BLVRB: variants seen among roughly 807,000 people sequenced by gnomAD.
BLVRB encodes biliverdin reductase B.
BLVRB carries 25 observed loss-of-function variants against 21.1 expected under a neutral mutation model. The ratio of observed to expected loss-of-function variants is 1.19; its 90% confidence interval spans 0.86 to 1.66. The LOEUF (loss-of-function observed/expected upper bound fraction) is 1.66. Ranked by LOEUF, BLVRB falls within the 40% of genes most tolerant of loss-of-function variation. The pLI is 0.00. For synonymous variants in BLVRB, 128 were observed against 122.2 expected, an observed-to-expected ratio of 1.05 and a Z score of -0.31; for missense variants, 274 against 282.7, an observed-to-expected ratio of 0.97 and a Z score of 0.22.
At chr19:40,455,624 G>A (rs751694968) in intron 3 of BLVRB, among the ~76,000 whole-genome samples, 3 of 152,224 alleles carry the variant, frequency 2.0e-5, no homozygotes, top group Non-Finnish European at 4.4e-5. Flanking sequence ...CTTGAACCCA[G>A]GAGGTGGATG....
intron 1 of BLVRB, among the ~76,000 whole-genome samples, chr19:40,465,052 G>A (rs537063078): frequency 7.9e-5 from 12 of 152,220 alleles, no homozygotes; most frequent in African/African-American, 2.4e-4. Flanking sequence ...TTAGGTACTC[G>A]CAGCAACCTG....
intron 3 of BLVRB, among the ~76,000 whole-genome samples, chr19:40,454,209 A>G (rs984815719): frequency 6.6e-6 from 1 of 151,198 alleles, no homozygotes; most frequent in East Asian, 2.0e-4. Flanking sequence ...TCTCACTGCA[A>G]CCTCCACCTA....
intron 1 of BLVRB, 77 bp downstream of exon 1, chr19:40,465,533 G>C: frequency 2.6e-6 from 4 of 1,530,430 alleles, no homozygotes; most frequent in Non-Finnish European, 3.5e-6. Context: ...AATCAGCCTC[G>C]GCCCGACCCC....
intron 3 of BLVRB, among the ~76,000 whole-genome samples, chr19:40,455,422 T>G (rs2079758255): frequency 6.6e-6 from 1 of 152,160 alleles, no homozygotes; most frequent in Non-Finnish European, 1.5e-5. Flanking sequence ...TCAAATAGTT[T>G]AGGAAGTCTG....
In BLVRB at chr19:40,458,494, C is replaced by T; in HGVS notation, c.131G>A (p.Gly44Glu). 1 of 1,611,330 alleles carries T rather than the reference C, an allele frequency of 6.2e-7. No homozygotes were observed. The highest frequency in any genetic ancestry group is 2.2e-5 in the East Asian group (1 of 44,832). Residue 44 changes from glycine (G) to glutamate (E), a missense_variant, in exon 2 of 5, where the codon GGG becomes GAG. Transcript: ENST00000263368. ...CACTACCACGTGGGCCGGCCGGGGC[C>T]CCTCTGATGGCAGCCTGGAGGAGTC... ...VRDSSRLPSE[G>E]PRPAHVVVGD...
At chr19:40,459,259 C>T (rs1009141126) in intron 1 of BLVRB, among the ~76,000 whole-genome samples, 1 of 124,602 alleles carries the variant, frequency 8.0e-6, no homozygotes, top group African/African-American at 3.0e-5. Context: ...ACCCGACAGG[C>T]GGAGGTTGCA....
At chr19:40,451,827 C>T (rs34288924) in intron 3 of BLVRB, among the ~76,000 whole-genome samples, 1 of 152,202 alleles carries the variant, frequency 6.6e-6, no homozygotes, top group Admixed American at 6.5e-5. Context: ...GCCATTGTGC[C>T]CAGCCAAGGG....
intron 3 of BLVRB, among the ~76,000 whole-genome samples, chr19:40,455,094 AC>A (rs1453485015): frequency 1.3e-5 from 2 of 151,594 alleles, no homozygotes; most frequent in African/African-American, 4.9e-5. Context: ...CAATCCGCCC[AC>A]CTTGGCCTCT....
chr19:40,458,314 G>T (rs1297770704), intron 2 of BLVRB, 67 bp downstream of exon 2: 1 of 1,513,862 alleles, frequency 6.6e-7, no homozygotes, highest in African/African-American at 1.4e-5. Flanking sequence ...GGGCGGGGCC[G>T]GGGGCGGGGG....
chr19:40,449,411 A>G (rs2079729202), intron 4 of BLVRB, among the ~76,000 whole-genome samples: 3 of 151,724 alleles, frequency 2.0e-5, no homozygotes, highest in East Asian at 1.9e-4. Flanking sequence ...ACACCTGGCT[A>G]ATTTTTGTAT....
At chr19:40,449,761 CA>C (rs2145776247) in intron 4 of BLVRB, among the ~76,000 whole-genome samples, 1 of 152,168 alleles carries the variant, frequency 6.6e-6, no homozygotes, top group East Asian at 1.9e-4. Flanking sequence ...ATATATTCAG[CA>C]AAATCTAACT....
chr19:40,449,288 C>T (rs561364501), intron 4 of BLVRB, among the ~76,000 whole-genome samples: 1 of 152,016 alleles, frequency 6.6e-6, no homozygotes, highest in East Asian at 1.9e-4. Context: ...CTCTGTCACC[C>T]AGGCTGGAGT....
At chr19:40,452,644 C>T (rs577875341) in intron 3 of BLVRB, among the ~76,000 whole-genome samples, 38 of 152,120 alleles carry the variant, frequency 2.5e-4, no homozygotes, top group African/African-American at 6.7e-4. Context: ...GAGGCCAGAT[C>T]GCCTGAGGTT....
At chr19:40,455,548 A>G (rs2079758771) in intron 3 of BLVRB, among the ~76,000 whole-genome samples, 1 of 152,144 alleles carries the variant, frequency 6.6e-6, no homozygotes, top group South Asian at 2.1e-4. Context: ...CACACACAAA[A>G]TTAACCAGAT....
At chr19:40,455,397 G>A (rs1260313938) in intron 3 of BLVRB, among the ~76,000 whole-genome samples, 2 of 152,196 alleles carry the variant, frequency 1.3e-5, no homozygotes, top group African/African-American at 2.4e-5. Context: ...GTGTCTGTGG[G>A]TGTGCAACTC....
chr19:40,451,452 CAGTCG>C lies in BLVRB; in HGVS notation c.370_374del (p.Arg124AlafsTer5), dbSNP rs745870237. On this transcript the variant is annotated frameshift_variant, in exon 4 of 5. Transcript: ENST00000263368. LOFTEE classifies it high-confidence loss of function. The stretch of plus-strand genomic sequence containing the variant: ...GGATGTGGTCATCAGTCACAGCCTG[CAGTCG>C]TGGGGGCACCTTGGTAGGGTCCCAG... The C allele has an allele frequency of 6.5e-5, 105 of 1,613,090 alleles. No individual in the cohort carries two copies. The highest frequency in any genetic ancestry group is 1.6e-4 in the Middle Eastern group (1 of 6,076).
At chr19:40,452,871 A>G (rs1366372631) in intron 3 of BLVRB, among the ~76,000 whole-genome samples, 2 of 138,968 alleles carry the variant, frequency 1.4e-5, no homozygotes, top group Non-Finnish European at 3.1e-5. Flanking sequence ...TCTCAAAAAC[A>G]AAGCAGAACA....
Position 40,458,414 on chromosome 19 carries a change from C to A in BLVRB, c.211G>T (p.Val71Phe), listed in dbSNP as rs1334175094. Reference protein sequence around the residue: ...VDKTVAGQDAVIVLLGTRNDL... With the variant: ...VDKTVAGQDAFIVLLGTRNDL... Reference sequence around the variant, plus strand: ...TTGCGGGTGCCCAGCAGCACGATGACAGCGTCCTGCCCAGCCACGGTCTTG... The same window carrying A: ...TTGCGGGTGCCCAGCAGCACGATGAAAGCGTCCTGCCCAGCCACGGTCTTG... Residue 71 changes from valine (V) to phenylalanine (F), a missense_variant, in exon 2 of 5, where the codon GTC becomes TTC. Coordinates refer to ENST00000263368, the MANE Select transcript of BLVRB (RefSeq NM_000713.3). The A allele has an allele frequency of 6.3e-7, 1 of 1,591,520 alleles. No homozygotes were observed. Among genetic ancestry groups the A allele is most frequent in the Non-Finnish European group, 8.5e-7 (1 of 1,169,790 alleles).
intron 3 of BLVRB, among the ~76,000 whole-genome samples, chr19:40,452,029 G>A (rs1379466841): frequency 6.6e-6 from 1 of 151,936 alleles, no homozygotes; most frequent in African/African-American, 2.4e-5. Context: ...CTCTTGCCTG[G>A]ACCAGCCCAG....
Sources: allele counts gnomAD v4.1 joint callset (sites outside exome capture counted in the v4.1 genomes callset), GRCh38; gene constraint gnomAD v4.1.1; transcripts MANE v1.5; gene names NCBI Gene and HGNC (gene_info 2026-07-23, HGNC 2026-07-21).